Variants in PBRM1 observed in about 807,000 individuals in gnomAD.
PBRM1 encodes the protein protein polybromo-1.
PBRM1 carries 27 observed loss-of-function variants against 194.5 expected under a neutral mutation model. That is an observed-to-expected ratio of 0.14 (90% confidence interval 0.10 to 0.19). PBRM1 has a LOEUF of 0.19. Among genes scored for constraint, PBRM1 ranks in the 10% least tolerant of loss-of-function variants. PBRM1 has a pLI of 1.00. For missense variants in PBRM1, 1,466 were observed against 2,077.2 expected (o/e 0.71, Z 5.72); for synonymous variants, 655 against 693.2 (o/e 0.94, Z 0.87).
chr3:52,676,702 AAC>A (rs1360391030), intron 2 of PBRM1, among the ~76,000 whole-genome samples: 1 of 152,190 alleles, frequency 6.6e-6, no homozygotes, highest in Non-Finnish European at 1.5e-5. Flanking sequence ...CAGAGGATGC[AAC>A]AGTTTGGAGG....
At chr3:52,654,320 A>C (rs1223520123) in intron 5 of PBRM1, among the ~76,000 whole-genome samples, 1 of 152,148 alleles carries the variant, frequency 6.6e-6, no homozygotes, top group Non-Finnish European at 1.5e-5. Flanking sequence ...TCCTTCCTTT[A>C]CTTGGATGAA....
intron 2 of PBRM1, among the ~76,000 whole-genome samples, chr3:52,676,848 C>G (rs1407326918): frequency 6.6e-6 from 1 of 152,120 alleles, no homozygotes; most frequent in East Asian, 1.9e-4. Context: ...GAGGAACTTG[C>G]TGGGAATTGG....
intron 22 of PBRM1, among the ~76,000 whole-genome samples, chr3:52,571,323 CAAAAA>C (rs34396226): frequency 1.1e-5 from 1 of 88,376 alleles, no homozygotes; most frequent in African/African-American, 4.9e-5. Context: ...ACACTGTCTC[CAAAAA>C]AAAAAAAAAA....
chr3:52,641,155 G>A (rs1298599415), intron 10 of PBRM1, among the ~76,000 whole-genome samples: 1 of 152,006 alleles, frequency 6.6e-6, no homozygotes, highest in Non-Finnish European at 1.5e-5. Flanking sequence ...AGTCTGTTGT[G>A]TAACATTCAA....
intron 26 of PBRM1, among the ~76,000 whole-genome samples, chr3:52,555,261 C>T (rs148133439): frequency 1.2e-4 from 19 of 152,176 alleles, no homozygotes; most frequent in Non-Finnish European, 2.6e-4. Flanking sequence ...TAGTATAAAC[C>T]CCATCATTCC....
intron 25 of PBRM1, among the ~76,000 whole-genome samples, chr3:52,561,001 TG>T (rs1345100817): frequency 2.6e-5 from 4 of 151,932 alleles, no homozygotes; most frequent in Non-Finnish European, 4.4e-5. Context: ...AAATTCCAGA[TG>T]GAAAAAATAT....
At chr3:52,625,565 T>C (rs1315097181) in intron 13 of PBRM1, among the ~76,000 whole-genome samples, 2 of 151,826 alleles carry the variant, frequency 1.3e-5, no homozygotes. Context: ...ATTAAGAACA[T>C]AATGCTTAAC....
chr3:52,649,246 A>G (rs894426791), intron 6 of PBRM1, among the ~76,000 whole-genome samples: 3 of 152,230 alleles, frequency 2.0e-5, no homozygotes, highest in Non-Finnish European at 4.4e-5. Context: ...CAGCACAGGC[A>G]TCGGGAGGGC....
At chr3:52,589,035 T>C in intron 18 of PBRM1, 35 bp downstream of exon 20, 7 of 1,498,640 alleles carry the variant, frequency 4.7e-6, no homozygotes, top group Non-Finnish European at 6.5e-6. Flanking sequence ...CAGTCATATC[T>C]CACTAAACTG....
intron 6 of PBRM1, 135 bp downstream of exon 7, chr3:52,651,603 CTATT>C (rs2096494651): frequency 1.6e-5 from 7 of 432,566 alleles, no homozygotes; most frequent in Middle Eastern, 3.1e-4. Context: ...ATCAGTAACA[CTATT>C]TTAATTTATT....
intron 22 of PBRM1, among the ~76,000 whole-genome samples, chr3:52,574,209 G>A (rs2088549215): frequency 6.6e-6 from 1 of 152,226 alleles, no homozygotes; most frequent in Admixed American, 6.5e-5. Flanking sequence ...TTCTTGCTAT[G>A]TCATCATATT....
intron 3 of PBRM1, 97 bp from the exon 5 acceptor site, chr3:52,662,373 T>C (rs545401516): frequency 2.0e-6 from 2 of 1,022,144 alleles, no homozygotes; most frequent in African/African-American, 3.2e-5. Flanking sequence ...GACCAAAAAT[T>C]GTTACAAATT....
chr3:52,668,241 G>A (rs751632443), intron 3 of PBRM1, among the ~76,000 whole-genome samples: 13 of 152,214 alleles, frequency 8.5e-5, no homozygotes, highest in Non-Finnish European at 1.5e-4. Context: ...AGGCTGCCAT[G>A]AGCCAAGATC....
At chr3:52,607,606 G>C (rs2153400248) in intron 16 of PBRM1, among the ~76,000 whole-genome samples, 1 of 152,326 alleles carries the variant, frequency 6.6e-6, no homozygotes, top group South Asian at 2.1e-4. Flanking sequence ...AGGGAGGAGA[G>C]GAAGGGAGGG....
chr3:52,646,140 A>C (rs2096283064), intron 7 of PBRM1, among the ~76,000 whole-genome samples: 1 of 152,220 alleles, frequency 6.6e-6, no homozygotes, highest in Admixed American at 6.5e-5. Flanking sequence ...AAAATGTCCT[A>C]TTAGGGACTA....
chr3:52,662,628 C>T, intron 3 of PBRM1, among the ~76,000 whole-genome samples: 1 of 152,094 alleles, frequency 6.6e-6, no homozygotes, highest in South Asian at 2.1e-4. Context: ...GAGATCGAGA[C>T]CATCCTGGCC....
chr3:52,598,675 G>T (rs2093750145), intron 17 of PBRM1, among the ~76,000 whole-genome samples: 1 of 152,114 alleles, frequency 6.6e-6, no homozygotes. Context: ...CTTGAGCCCA[G>T]GAGTTTGAAA....
In PBRM1 at chr3:52,586,375, T is replaced by C. The variant is rs779039600; in HGVS notation, c.3387+50A>G. The C allele has an allele frequency of 4.8e-6, 7 of 1,452,156 alleles. No homozygotes were observed. The Admixed American group carries it at 7.9e-5, about 16-fold the overall frequency. 90.0% of individuals were successfully genotyped at this position (1,452,156 alleles called of 1,614,324 possible). A position where few individuals can be genotyped will look rare whatever the true frequency, so the allele number is the denominator to read the frequency against. On this transcript the variant is annotated intron_variant, in intron 20 of 29. Coordinates refer to ENST00000296302, the Ensembl canonical transcript of PBRM1. ...TACTTTATTCATTTATTTTCTGGAA[T>C]AGGTGTTTTGAGATGTAAAATTTTT...
intron 1 of PBRM1, among the ~76,000 whole-genome samples, chr3:52,685,194 T>C (rs1245877870): frequency 6.6e-6 from 1 of 152,158 alleles, no homozygotes; most frequent in Non-Finnish European, 1.5e-5. Context: ...TTAAAACTTA[T>C]TATAATAACA....
Sources: allele counts gnomAD v4.1 joint callset (sites outside exome capture counted in the v4.1 genomes callset), GRCh38; gene constraint gnomAD v4.1.1; transcripts MANE v1.5; gene names NCBI Gene and HGNC (gene_info 2026-07-23, HGNC 2026-07-21).